Variants in C3orf49 observed in about 807,000 individuals in gnomAD.
C3orf49 encodes the protein putative uncharacterized protein C3orf49.
Under a neutral mutation model 13.3 loss-of-function variants are expected in C3orf49, and 27 were observed. The ratio of observed to expected loss-of-function variants is 2.02; its 90% CI spans 1.49 to 2.79. C3orf49 has a LOEUF of 2.79. Among genes scored for constraint, C3orf49 ranks in the 30% most tolerant of loss-of-function variants. C3orf49 has a pLI of 0.00. For synonymous variants in C3orf49, 87 were observed against 47.6 expected (o/e 1.83, Z -3.40); for missense variants, 242 against 134.2 (o/e 1.80, Z -3.97).
At chr3:63,798,724 A>G in the C3orf49 span, among the ~76,000 whole-genome samples, 12,543 of 152,080 alleles carry the variant, frequency 0.082, 876 homozygotes, top group African/African-American at 0.19. Context: ...ACAATGATGT[A>G]TGTAGGAGTG....
rs991995035 is a variant in C3orf49, at chr3:63,831,199, G to A, written c.660G>A (p.Leu220=). 1 of 702,876 alleles carries A rather than the reference G, an allele frequency of 1.4e-6. No homozygotes were observed. Among genetic ancestry groups the A allele is most frequent in the Non-Finnish European group, 2.6e-6 (1 of 384,966 alleles). The allele number at this position is 702,876 out of a possible 1,614,324, so 43.5% of individuals were successfully genotyped here. The change falls in exon 4 of 7, where the codon TTG becomes TTA. Residue 220 remains leucine, a synonymous_variant. Transcript: ENST00000295896. ...AAAACATCCTTCGAAAATCAGATTT[G>A]ACAGTAGGAAAGCTTCAAATGCAGG... ...GMENILRKSD[L]TVGKLQMQVD...
chr3:63,835,452 CCTAA>C, intron 5 of C3orf49: 1 of 1,479,086 alleles, frequency 6.8e-7, no homozygotes, highest in Non-Finnish European at 9.3e-7. Flanking sequence ...ACAATTAATG[CCTAA>C]CTTTTAAGTT....
Position 63,827,705 on chromosome 3 carries a change from C to T in C3orf49, c.550C>T (p.Leu184Phe). 1 of 703,010 alleles carries T rather than the reference C, an allele frequency of 1.4e-6. No homozygotes were observed. Among genetic ancestry groups the T allele is most frequent in the Non-Finnish European group, 2.6e-6 (1 of 384,996 alleles). The allele number at this position is 703,010 out of a possible 1,614,324, so 43.5% of individuals were successfully genotyped here. The change falls in exon 3 of 7, where the codon CTT becomes TTT. Residue 184 changes from leucine (L) to phenylalanine (F), a missense_variant. By Grantham distance (22) the Leu-to-Phe change is conservative (BLOSUM62 0). Transcript: ENST00000295896. ...CACCAAGCGGTTATCTGTGACATCT[C>T]TTCCTTCAGGACTGCAAAAGGTAAA... ...RTTKRLSVTS[L>F]PSGLQKGPYS...
intron 2 of C3orf49, among the ~76,000 whole-genome samples, chr3:63,824,730 G>C (rs1197614491): frequency 2.0e-5 from 3 of 151,730 alleles, no homozygotes; most frequent in African/African-American, 7.3e-5. Context: ...GTCCCTACTA[G>C]GGAAGCTGAA....
chr3:63,792,002 T>C, the C3orf49 span, among the ~76,000 whole-genome samples: 2 of 152,234 alleles, frequency 1.3e-5, no homozygotes, highest in Non-Finnish European at 2.9e-5. Flanking sequence ...GAGACATACA[T>C]ACCTCTGTAA....
the C3orf49 span, among the ~76,000 whole-genome samples, chr3:63,800,034 T>A: frequency 6.6e-6 from 1 of 152,182 alleles, no homozygotes; most frequent in Non-Finnish European, 1.5e-5. Context: ...GGATGGAATG[T>A]ACTAGAAGGG....
the C3orf49 span, among the ~76,000 whole-genome samples, chr3:63,786,508 G>A: frequency 6.6e-6 from 1 of 152,146 alleles, no homozygotes; most frequent in African/African-American, 2.4e-5. Context: ...TTGTTTGCTT[G>A]TTGATGGAAA....
At chr3:63,798,761 A>G in the C3orf49 span, among the ~76,000 whole-genome samples, 1 of 152,120 alleles carries the variant, frequency 6.6e-6, no homozygotes, top group East Asian at 1.9e-4. Flanking sequence ...TCCACAGCCT[A>G]TGTCACCGCT....
upstream of C3orf49, among the ~76,000 whole-genome samples, chr3:63,815,845 C>T (rs1282763976): frequency 1.3e-5 from 2 of 149,680 alleles, no homozygotes; most frequent in African/African-American, 4.9e-5. Context: ...CAGCTCACTG[C>T]ATCCTCTGCC....
At chr3:63,782,105 A>G in the C3orf49 span, among the ~76,000 whole-genome samples, 1 of 151,982 alleles carries the variant, frequency 6.6e-6, no homozygotes, top group African/African-American at 2.4e-5. Flanking sequence ...GGTTTTATAA[A>G]CTCCTTGATG....
intron 2 of C3orf49, among the ~76,000 whole-genome samples, chr3:63,824,005 T>A (rs1403250841): frequency 6.6e-6 from 1 of 152,080 alleles, no homozygotes; most frequent in Non-Finnish European, 1.5e-5. Context: ...TTTACCATAT[T>A]GGCCAGGCTG....
the C3orf49 span, among the ~76,000 whole-genome samples, chr3:63,808,993 G>C: frequency 6.6e-6 from 1 of 152,026 alleles, no homozygotes; most frequent in Non-Finnish European, 1.5e-5. Flanking sequence ...CTCCATCAAA[G>C]GAGACTTTCC....
chr3:63,805,418 G>T, the C3orf49 span, among the ~76,000 whole-genome samples: 3 of 152,224 alleles, frequency 2.0e-5, no homozygotes, highest in African/African-American at 7.2e-5. Context: ...GCTTGGTAGG[G>T]TCATCAGGAG....
At chr3:63,787,053 T>G in the C3orf49 span, 2 of 152,190 alleles carry the variant, frequency 1.3e-5, no homozygotes, top group Admixed American at 1.3e-4. Flanking sequence ...ATAGAGAAGA[T>G]TAAGCCCAGA....
At chr3:63,839,670 C>T (rs776582006) in intron 5 of C3orf49, 13 of 1,611,716 alleles carry the variant, frequency 8.1e-6, no homozygotes, top group Middle Eastern at 2.2e-4. Context: ...CTTCCTGGGA[C>T]CCAGAGTTGC....
chr3:63,803,063 G>C, the C3orf49 span, among the ~76,000 whole-genome samples: 3 of 152,124 alleles, frequency 2.0e-5, no homozygotes, highest in Non-Finnish European at 4.4e-5. Context: ...ACAATACCAA[G>C]GTTTGGCAAG....
At chr3:63,780,236 C>T in the C3orf49 span, among the ~76,000 whole-genome samples, 5 of 152,174 alleles carry the variant, frequency 3.3e-5, no homozygotes, top group Admixed American at 1.3e-4. Context: ...TGAGAACATG[C>T]GCTGTTTGGT....
rs879395587 is a variant in C3orf49, at chr3:63,834,360, T to TA, written c.849+2529dup. ...TAAAATTTATGTGATAGACTTCACT[T>TA]AAAAAAAAAAAAATCCAGGCAGGGT... is the stretch of plus-strand genomic sequence containing the variant. On this transcript the variant is annotated intron_variant, in intron 5 of 6. Coordinates refer to ENST00000295896, the MANE Select transcript of C3orf49 (RefSeq NM_001355236.2). 4.7e-3 allele frequency among the ~76,000 whole-genome samples: 681 copies of TA among 146,438 alleles called. 4 individuals carry two copies. The highest frequency in any genetic ancestry group is 0.016 in the African/African-American group (633 of 40,118).
the C3orf49 span, among the ~76,000 whole-genome samples, chr3:63,790,137 CCTT>C: frequency 6.6e-6 from 1 of 152,122 alleles, no homozygotes. Flanking sequence ...GCCTCAGAAT[CCTT>C]CTCAACACTC....
Sources: gnomAD v4.1 joint callset for allele counts (sites outside exome capture counted in the v4.1 genomes callset) on GRCh38, gnomAD v4.1.1 for gene constraint, MANE v1.5 for transcripts, NCBI Gene and HGNC (gene_info 2026-07-23, HGNC 2026-07-21) for gene names.